LRRC37A2: variants seen among roughly 807,000 people sequenced by gnomAD.
LRRC37A2 encodes leucine-rich repeat-containing protein 37A2.
Under a neutral mutation model 68.8 loss-of-function variants are expected in LRRC37A2, and 9 were observed. The observed-to-expected ratio is 0.13, with a 90% CI of 0.08 to 0.23. LRRC37A2 has a LOEUF of 0.23. Ranked by LOEUF, LRRC37A2 falls within the 10% of genes least tolerant of loss-of-function variation. The pLI, the probability that LRRC37A2 is intolerant of heterozygous loss-of-function variation, is 1.00. For missense variants in LRRC37A2, 168 were observed against 950.4 expected, an observed-to-expected ratio of 0.18 and a Z score of 10.82; for synonymous variants, 63 against 367.6, an observed-to-expected ratio of 0.17 and a Z score of 9.48.
the LRRC37A2 span, among the ~76,000 whole-genome samples, chr17:46,595,525 C>T: frequency 8.0e-6 from 1 of 125,652 alleles, no homozygotes; most frequent in South Asian, 2.4e-4. Context: ...GAGTCTTGCT[C>T]CGTCACCCAG....
the LRRC37A2 span, among the ~76,000 whole-genome samples, chr17:46,807,169 G>T: frequency 1.5e-4 from 23 of 152,304 alleles, no homozygotes; most frequent in Middle Eastern, 3.4e-3. Context: ...TGTAGACTTG[G>T]GGAAAAGCTG....
chr17:46,783,114 A>C, the LRRC37A2 span, among the ~76,000 whole-genome samples: 1 of 152,196 alleles, frequency 6.6e-6, no homozygotes, highest in Non-Finnish European at 1.5e-5. Flanking sequence ...GCTCGCCTGC[A>C]TCTCCAGCAG....
At chr17:46,492,820 T>C in the LRRC37A2 span, among the ~76,000 whole-genome samples, 1 of 149,472 alleles carries the variant, frequency 6.7e-6, no homozygotes, top group Non-Finnish European at 1.5e-5. Flanking sequence ...CAGCCTCCCG[T>C]GTAGCTGGGA....
the LRRC37A2 span, chr17:46,830,910 G>A: frequency 2.5e-6 from 1 of 396,972 alleles, no homozygotes; most frequent in East Asian, 3.6e-5. Flanking sequence ...CACTTGCTAA[G>A]ATCCTTTTCT....
chr17:46,973,663 G>A, the LRRC37A2 span, among the ~76,000 whole-genome samples: 1 of 152,156 alleles, frequency 6.6e-6, no homozygotes, highest in African/African-American at 2.4e-5. Flanking sequence ...CCCGTCTGCC[G>A]AGCTGGGGTT....
the LRRC37A2 span, among the ~76,000 whole-genome samples, chr17:46,804,551 G>C: frequency 6.6e-6 from 1 of 152,170 alleles, no homozygotes; most frequent in South Asian, 2.1e-4. Context: ...CTCTTTCCCT[G>C]ATTTAAAGGC....
chr17:46,837,275 G>GC, the LRRC37A2 span, among the ~76,000 whole-genome samples: 3 of 152,094 alleles, frequency 2.0e-5, no homozygotes, highest in Admixed American at 2.0e-4. Context: ...TATTTGTTTT[G>GC]CCCCCTTCAT....
the LRRC37A2 span, chr17:46,721,754 T>A: frequency 6.2e-7 from 1 of 1,604,714 alleles, no homozygotes; most frequent in Admixed American, 1.7e-5. Context: ...GCCCACAATT[T>A]CGCTTGGGAA....
At chr17:46,818,690 A>G in the LRRC37A2 span, 1 of 1,264,576 alleles carries the variant, frequency 7.9e-7, no homozygotes, top group Non-Finnish European at 1.1e-6. Flanking sequence ...TGAGATTGGA[A>G]ATGACTTTCG....
At chr17:46,704,877 A>G in the LRRC37A2 span, 1 of 1,579,244 alleles carries the variant, frequency 6.3e-7, no homozygotes, top group African/African-American at 1.4e-5. Flanking sequence ...ATTGAGTGAT[A>G]TATAGGCCAA....
the LRRC37A2 span, among the ~76,000 whole-genome samples, chr17:46,880,013 T>G: frequency 6.6e-6 from 1 of 152,264 alleles, no homozygotes; most frequent in Non-Finnish European, 1.5e-5. Context: ...ATTTGTGTTT[T>G]GCTTGTAAAA....
chr17:46,771,694 G>A, the LRRC37A2 span, among the ~76,000 whole-genome samples: 1 of 142,820 alleles, frequency 7.0e-6, no homozygotes, highest in East Asian at 2.1e-4. Flanking sequence ...CGGCTCCCGC[G>A]GCCGGGCCGC....
chr17:47,026,365 G>T, the LRRC37A2 span, among the ~76,000 whole-genome samples: 1 of 152,228 alleles, frequency 6.6e-6, no homozygotes, highest in Non-Finnish European at 1.5e-5. Flanking sequence ...GAGCCAACAT[G>T]GGGAACCATG....
At chr17:46,840,038 T>A in the LRRC37A2 span, among the ~76,000 whole-genome samples, 5 of 149,734 alleles carry the variant, frequency 3.3e-5, no homozygotes, top group East Asian at 8.0e-4. Flanking sequence ...TTTCTTTTCT[T>A]TCTTTCTTTC....
the LRRC37A2 span, among the ~76,000 whole-genome samples, chr17:46,497,034 T>C: frequency 3.7e-5 from 5 of 134,270 alleles, no homozygotes; most frequent in Non-Finnish European, 7.8e-5. Context: ...TTGCTTTTAA[T>C]CTAGATATCA....
the LRRC37A2 span, among the ~76,000 whole-genome samples, chr17:46,862,186 GAAAA>G: frequency 1.3e-5 from 2 of 148,438 alleles, no homozygotes; most frequent in African/African-American, 4.9e-5. Flanking sequence ...AAAAGAAAAA[GAAAA>G]AGAAAAGGGA....
At chr17:47,041,436 G>A in the LRRC37A2 span, among the ~76,000 whole-genome samples, 82 of 63,286 alleles carry the variant, frequency 1.3e-3, 2 homozygotes, top group African/African-American at 5.2e-3. Context: ...ATGAAGGGAT[G>A]AATTTTTGGA....
the LRRC37A2 span, among the ~76,000 whole-genome samples, chr17:46,743,803 CAA>C: frequency 6.6e-6 from 1 of 152,204 alleles, no homozygotes; most frequent in Non-Finnish European, 1.5e-5. Flanking sequence ...TCTTCCTCCT[CAA>C]GAGCCTTCTC....
At chr17:46,778,807 G>C in the LRRC37A2 span, among the ~76,000 whole-genome samples, 11 of 151,798 alleles carry the variant, frequency 7.2e-5, no homozygotes, top group African/African-American at 2.2e-4. Context: ...CCCGGCCCCC[G>C]GCAACCATTC....
Sources: gnomAD v4.1 joint callset for allele counts (sites outside exome capture counted in the v4.1 genomes callset) on GRCh38, gnomAD v4.1.1 for gene constraint, MANE v1.5 for transcripts, NCBI Gene and HGNC (gene_info 2026-07-23, HGNC 2026-07-21) for gene names.